The following LEMD3 variants were observed in gnomAD, a reference collection of about 807,000 sequenced individuals.
LEMD3 encodes the protein inner nuclear membrane protein Man1.
LEMD3 carries 33 observed loss-of-function variants against 95.2 expected under a neutral mutation model. That is an observed-to-expected ratio of 0.35 (90% CI 0.26 to 0.46). The LOEUF is 0.46. Ranked by LOEUF, LEMD3 falls within the 20% of genes least tolerant of loss-of-function variation. The pLI, the probability that LEMD3 is intolerant of heterozygous loss-of-function variation, is 1.00. For missense variants in LEMD3, 1,210 were observed against 1,192.8 expected (o/e 1.01, Z -0.21); for synonymous variants, 525 against 474.6 (o/e 1.11, Z -1.38).
At chr12:65,222,783 A>G (rs942296461) in intron 4 of LEMD3, among the ~76,000 whole-genome samples, 2 of 151,974 alleles carry the variant, frequency 1.3e-5, no homozygotes, top group Non-Finnish European at 2.9e-5. Context: ...TTACCACTGT[A>G]AACCTCTCTC....
In LEMD3 at chr12:65,218,972, A is replaced by C. The variant is rs1242508112; in HGVS notation, c.1695+353A>C. 3.3e-5 allele frequency among the ~76,000 whole-genome samples: 5 copies of C among 152,074 alleles called. No individual in the cohort carries two copies. The East Asian group carries it at 7.7e-4, about 24-fold the overall frequency. On this transcript the variant is annotated intron_variant, in intron 4 of 12. Coordinates refer to ENST00000308330, the MANE Select transcript of LEMD3 (RefSeq NM_014319.5). ...CCCAGCTAATGTTTTTTGTATTTTT[A>C]GTAGAGATGGAGTTTCACTATGTTG...
At chr12:65,184,816 A>G (rs1274422723) in intron 1 of LEMD3, among the ~76,000 whole-genome samples, 2 of 152,118 alleles carry the variant, frequency 1.3e-5, no homozygotes, top group African/African-American at 4.8e-5. Context: ...TAGGGCAGGG[A>G]GAGGAGTTAT....
intron 1 of LEMD3, among the ~76,000 whole-genome samples, chr12:65,172,958 A>G (rs1401355497): frequency 6.6e-6 from 1 of 152,006 alleles, no homozygotes; most frequent in Non-Finnish European, 1.5e-5. Flanking sequence ...ATTTTCTAAG[A>G]GCTAATTGCT....
chr12:65,202,438 A>G (rs1224609260), intron 1 of LEMD3, among the ~76,000 whole-genome samples: 3 of 152,168 alleles, frequency 2.0e-5, no homozygotes, highest in African/African-American at 7.2e-5. Context: ...CACACCTGCA[A>G]TAAATCCCAC....
chr12:65,176,062 G>T (rs913160779), intron 1 of LEMD3, among the ~76,000 whole-genome samples: 7 of 152,080 alleles, frequency 4.6e-5, no homozygotes, highest in African/African-American at 1.7e-4. Flanking sequence ...ACTGTTCTAG[G>T]TTAGTCTCTT....
At chr12:65,223,039 T>G (rs1207331197) in intron 4 of LEMD3, among the ~76,000 whole-genome samples, 1 of 152,096 alleles carries the variant, frequency 6.6e-6, no homozygotes, top group Non-Finnish European at 1.5e-5. Context: ...TGTGTTAAGA[T>G]TTTTGTGGCC....
At chr12:65,231,403 G>A (rs959332577) in intron 4 of LEMD3, among the ~76,000 whole-genome samples, 3 of 151,966 alleles carry the variant, frequency 2.0e-5, no homozygotes, top group African/African-American at 7.3e-5. Flanking sequence ...AAATAATATT[G>A]GCTAGGCACA....
intron 1 of LEMD3, among the ~76,000 whole-genome samples, chr12:65,176,156 G>A (rs920118736): frequency 2.0e-5 from 3 of 152,138 alleles, no homozygotes; most frequent in Admixed American, 2.0e-4. Context: ...ACAGAGCAGC[G>A]TTTCTAAAGC....
chr12:65,199,902 A>T (rs1869541889), intron 1 of LEMD3, among the ~76,000 whole-genome samples: 1 of 152,044 alleles, frequency 6.6e-6, no homozygotes, highest in Admixed American at 6.6e-5. Context: ...AATGAATGAG[A>T]GTTCTGAGGC....
intron 2 of LEMD3, among the ~76,000 whole-genome samples, chr12:65,212,734 T>G (rs1869981018): frequency 6.6e-6 from 1 of 152,178 alleles, no homozygotes; most frequent in African/African-American, 2.4e-5. Flanking sequence ...AAAATTGCCT[T>G]TATTTAATGA....
At chr12:65,207,154 G>A (rs565693492) in intron 1 of LEMD3, among the ~76,000 whole-genome samples, 13 of 152,232 alleles carry the variant, frequency 8.5e-5, no homozygotes, top group Non-Finnish European at 1.6e-4. Flanking sequence ...TTCCTGGCGC[G>A]TATTAGGAAC....
At chr12:65,172,463 C>T (rs548257415) in intron 1 of LEMD3, among the ~76,000 whole-genome samples, 3 of 152,188 alleles carry the variant, frequency 2.0e-5, no homozygotes, top group Non-Finnish European at 4.4e-5. Flanking sequence ...TAGATATAGC[C>T]AATTCCGAGA....
chr12:65,197,161 C>A (rs186600984), intron 1 of LEMD3, among the ~76,000 whole-genome samples: 1 of 152,016 alleles, frequency 6.6e-6, no homozygotes, highest in Non-Finnish European at 1.5e-5. Context: ...ATTTGCTTAA[C>A]GTAGGAGCTC....
At chr12:65,230,107 G>T (rs1391637754) in intron 4 of LEMD3, among the ~76,000 whole-genome samples, 1 of 152,136 alleles carries the variant, frequency 6.6e-6, no homozygotes, top group Non-Finnish European at 1.5e-5. Flanking sequence ...AAAATCAGTT[G>T]GCTGTAAATA....
chr12:65,243,461 T>A lies in LEMD3; in HGVS notation c.2379T>A (p.Asp793Glu). 1 of 1,572,678 alleles carries A rather than the reference T, an allele frequency of 6.4e-7. No homozygotes were observed. The highest frequency in any genetic ancestry group is 8.8e-7 in the Non-Finnish European group (1 of 1,142,462). Residue 793 changes from aspartate (D) to glutamate (E), a missense_variant, in exon 10 of 13, where the codon GAT becomes GAA. Physicochemically the swap from Asp to Glu is conservative, Grantham distance 45 (BLOSUM62 2). Around this residue, in one of 2 missense-constraint regions of LEMD3, gnomAD observed 461 missense variants for 569.8 expected, o/e 0.81. Coordinates refer to ENST00000308330, the MANE Select transcript of LEMD3 (RefSeq NM_014319.5). ...GTCTAAAGATTCGGAATATGTTTGA[T>A]CCCGTTATGTAAGTATTATGATCAG... ...TPCLKIRNMF[D>E]PVMEIGDQWH... is the part of the protein sequence containing the mutation.
At chr12:65,174,468 AT>A (rs1016283133) in intron 1 of LEMD3, among the ~76,000 whole-genome samples, 1 of 151,624 alleles carries the variant, frequency 6.6e-6, no homozygotes, top group East Asian at 1.9e-4. Flanking sequence ...ATCATTATTA[AT>A]TTTTTTTTCA....
chr12:65,176,031 A>C (rs1457517864), intron 1 of LEMD3, among the ~76,000 whole-genome samples: 1 of 152,124 alleles, frequency 6.6e-6, no homozygotes, highest in Non-Finnish European at 1.5e-5. Flanking sequence ...CTTTTGAATC[A>C]ATCTTTTTCT....
intron 8 of LEMD3, 181 bp from the exon 9 acceptor site, chr12:65,240,728 T>C (rs1319106628): frequency 1.6e-6 from 1 of 623,512 alleles, no homozygotes; most frequent in Non-Finnish European, 2.8e-6. Context: ...GTTTGTGCTC[T>C]AGCTCTGGAA....
At chr12:65,186,749 G>A (rs1869079497) in intron 1 of LEMD3, among the ~76,000 whole-genome samples, 1 of 150,362 alleles carries the variant, frequency 6.7e-6, no homozygotes, top group Non-Finnish European at 1.5e-5. Context: ...GTGTAGTGAT[G>A]AAGAACCATA....
Sources: gnomAD v4.1 joint callset for allele counts (sites outside exome capture counted in the v4.1 genomes callset) on GRCh38, gnomAD v4.1.1 for gene constraint, gnomAD v4.1.1 regional missense constraint, MANE v1.5 for transcripts, NCBI Gene and HGNC (gene_info 2026-07-23, HGNC 2026-07-21) for gene names.